Variants in RIF1 observed in about 807,000 individuals in gnomAD.
The protein encoded by RIF1 is telomere-associated protein RIF1.
Under a neutral mutation model 247.1 loss-of-function variants are expected in RIF1, and 45 were observed. That is an observed-to-expected ratio of 0.18 (90% CI 0.14 to 0.23). The LOEUF (loss-of-function observed/expected upper bound fraction) is 0.23, where lower values mean the gene tolerates loss of function less well. RIF1 is among the 10% of genes least tolerant of loss of function. RIF1 has a pLI of 1.00. For synonymous variants in RIF1, 1,087 were observed against 978.8 expected, an observed-to-expected ratio of 1.11 and a Z score of -2.06; for missense variants, 2,967 against 2,862.5, an observed-to-expected ratio of 1.04 and a Z score of -0.83.
At chr2:151,461,116 G>A (rs1696092046) in intron 26 of RIF1, 22 bp from the exon 27 acceptor site, 3 of 1,597,190 alleles carry the variant, frequency 1.9e-6, no homozygotes, top group Non-Finnish European at 2.6e-6. Context: ...ATGTACATTT[G>A]CTTATTTTTT....
chr2:151,475,413 CT>C lies in RIF1; in HGVS notation c.*345del, dbSNP rs757332054. 5.1e-4 allele frequency: 118 copies of C among 230,128 alleles called. No individual in the cohort carries two copies. The Middle Eastern group carries it at 5.2e-3, about 10-fold the overall frequency. The allele number at this position is 230,128 out of a possible 1,614,324, so 14.3% of individuals were successfully genotyped here. ...ATATTCTGGTGAAACATGTAAAATACTTTAAGTAAAATTGAACATTTTTATT... is the reference window on the plus strand; with the variant it reads ...ATATTCTGGTGAAACATGTAAAATACTTAAGTAAAATTGAACATTTTTATT... On this transcript the variant is annotated 3_prime_UTR_variant, in exon 36 of 36. Coordinates refer to ENST00000444746, the MANE Select transcript of RIF1 (RefSeq NM_018151.5).
chr2:151,412,199 C>G (rs1686357161), intron 3 of RIF1, among the ~76,000 whole-genome samples: 1 of 152,124 alleles, frequency 6.6e-6, no homozygotes, highest in Non-Finnish European at 1.5e-5. Flanking sequence ...TCCTGACTAT[C>G]CTTAACATCT....
At position 151,465,787 on chromosome 2, in the gene RIF1, T is replaced by C. The variant is rs1264067745; in HGVS notation, c.6267T>C (p.Thr2089=). The C allele has an allele frequency of 1.2e-6, 2 of 1,613,028 alleles. No homozygotes were observed. The highest frequency in any genetic ancestry group is 1.7e-6 in the Non-Finnish European group (2 of 1,179,086). Residue 2089 remains threonine (T), a synonymous_variant, in exon 30 of 36, where the codon ACT becomes ACC. Coordinates refer to ENST00000444746, the MANE Select transcript of RIF1 (RefSeq NM_018151.5). ...ACGCTAATAAAACTGAAACAAATAC[T>C]GAGTATAGTAAATCTGAAGAAAAAT... ...IIDANKTETN[T]EYSKSEEKLD... is the part of the protein sequence containing the mutation.
At chr2:151,459,865 T>G in intron 25 of RIF1, 135 bp from the exon 26 acceptor site, 1 of 740,302 alleles carries the variant, frequency 1.4e-6, no homozygotes, top group Non-Finnish European at 2.1e-6. Context: ...TCTTTGATTT[T>G]TATGGGATTG....
At chr2:151,533,584 T>A in the RIF1 span, 18 of 1,368,758 alleles carry the variant, frequency 1.3e-5, 1 homozygote, top group South Asian at 2.2e-4. Flanking sequence ...AAAAGAGACT[T>A]ATGAAGACAG....
the RIF1 span, among the ~76,000 whole-genome samples, chr2:151,517,965 C>T: frequency 1.3e-5 from 2 of 152,104 alleles, no homozygotes; most frequent in Non-Finnish European, 2.9e-5. Flanking sequence ...CGTATCACTT[C>T]TCTGTTTGAA....
Position 151,475,105 on chromosome 2 carries a change from ATC to A in RIF1, c.*35_*36del. On this transcript the variant is annotated 3_prime_UTR_variant, in exon 36 of 36. Coordinates refer to ENST00000444746, the MANE Select transcript of RIF1 (RefSeq NM_018151.5). ...GAGAAAATTGAAGGTTTTTTTAAAC[ATC>A]ACTGGATTTCTTGATTGAGGAAACA... is the stretch of plus-strand genomic sequence containing the variant. 1 of 1,402,430 alleles carries A rather than the reference ATC, an allele frequency of 7.1e-7. No individual in the cohort carries two copies. Among genetic ancestry groups the A allele is most frequent in the Non-Finnish European group, 1.0e-6 (1 of 991,090 alleles). 86.9% of individuals were successfully genotyped at this position (1,402,430 alleles called of 1,614,324 possible).
At chr2:151,473,177 A>G (rs932635877) in intron 34 of RIF1, among the ~76,000 whole-genome samples, 3 of 151,980 alleles carry the variant, frequency 2.0e-5, no homozygotes, top group Non-Finnish European at 4.4e-5. Context: ...TAGAAGTGGA[A>G]TTGCTGAGTC....
the RIF1 span, among the ~76,000 whole-genome samples, chr2:151,515,523 T>A: frequency 6.6e-6 from 1 of 152,136 alleles, no homozygotes; most frequent in Non-Finnish European, 1.5e-5. Flanking sequence ...TTGACCTGTT[T>A]TTTAAAAATC....
At chr2:151,420,726 C>A (rs1024274210) in intron 7 of RIF1, among the ~76,000 whole-genome samples, 2 of 129,078 alleles carry the variant, frequency 1.5e-5, no homozygotes, top group Non-Finnish European at 3.3e-5. Flanking sequence ...CAGAATGAGA[C>A]CCTGTCTCAA....
the RIF1 span, among the ~76,000 whole-genome samples, chr2:151,532,973 A>C: frequency 6.6e-6 from 1 of 152,188 alleles, no homozygotes; most frequent in Non-Finnish European, 1.5e-5. Flanking sequence ...CAAAGTCAAG[A>C]GGCGCCATGA....
chr2:151,526,029 C>G, the RIF1 span: 1 of 1,613,988 alleles, frequency 6.2e-7, no homozygotes, highest in Admixed American at 1.7e-5. Flanking sequence ...GTGTATGAGC[C>G]CTGTGCCAAG....
chr2:151,493,516 GTGTTATGGCTCA>G (rs2058125930), intron 9 of RIF1: 2 of 993,044 alleles, frequency 2.0e-6, no homozygotes, highest in African/African-American at 1.6e-5. Flanking sequence ...CACTTAGCTG[GTGTTATGGCTCA>G]TGTTATGGCT....
At chr2:151,410,274 T>G in intron 1 of RIF1, 140 bp from the exon 2 acceptor site, 1 of 673,490 alleles carries the variant, frequency 1.5e-6, no homozygotes, top group East Asian at 2.7e-5. Flanking sequence ...GTTTGGTGAT[T>G]CGGAGGCCTG....
chr2:151,498,244 T>C, intron 10 of RIF1: 1 of 1,550,848 alleles, frequency 6.4e-7, no homozygotes, highest in African/African-American at 1.4e-5. Context: ...TTTTTTCCCC[T>C]TTCTTTCCAA....
chr2:151,531,177 T>A, the RIF1 span: 2 of 955,478 alleles, frequency 2.1e-6, no homozygotes, highest in Non-Finnish European at 3.3e-6. Context: ...TGCAAAGTTT[T>A]TTCCTGAGTG....
At chr2:151,512,286 G>A (rs936003150), downstream of RIF1, among the ~76,000 whole-genome samples, 8 of 151,708 alleles carry the variant, frequency 5.3e-5, no homozygotes, top group African/African-American at 1.5e-4. Context: ...CACCCACCTC[G>A]GCCTCCCAAA....
intron 13 of RIF1, among the ~76,000 whole-genome samples, 178 bp downstream of exon 13, chr2:151,437,529 AAGCAT>A (rs932995770): frequency 1.6e-4 from 25 of 152,194 alleles, no homozygotes; most frequent in Non-Finnish European, 3.1e-4. Flanking sequence ...TGTCTCTACA[AAGCAT>A]ACAAAAACTA....
chr2:151,512,603 T>C (rs13023600), downstream of RIF1: 752,530 of 753,048 alleles, frequency 1, 376,008 homozygotes, highest in South Asian at 1. Flanking sequence ...CGTGAGCCAC[T>C]GCACCTGGTG....
Sources: gnomAD v4.1 joint callset for allele counts (sites outside exome capture counted in the v4.1 genomes callset) on GRCh38, gnomAD v4.1.1 for gene constraint, MANE v1.5 for transcripts, NCBI Gene and HGNC (gene_info 2026-07-23, HGNC 2026-07-21) for gene names.